The following KCNH1 variants were observed in gnomAD, a reference collection of about 807,000 sequenced individuals.
The protein encoded by KCNH1 is potassium voltage-gated channel subfamily H member 1.
KCNH1 carries 27 observed loss-of-function variants against 69.2 expected under a neutral mutation model. The ratio of observed to expected loss-of-function variants is 0.39; its 90% CI spans 0.29 to 0.54. The LOEUF (loss-of-function observed/expected upper bound fraction) is 0.54, where lower values mean the gene tolerates loss of function less well. KCNH1 is among the 20% of genes least tolerant of loss of function. The pLI is 0.68. For missense variants in KCNH1, 798 were observed against 1,261.6 expected, an observed-to-expected ratio of 0.63 and a Z score of 5.57; for synonymous variants, 456 against 487.7, an observed-to-expected ratio of 0.93 and a Z score of 0.86.
At chr1:210,890,237 C>T (rs1686716279) in intron 7 of KCNH1, among the ~76,000 whole-genome samples, 1 of 152,100 alleles carries the variant, frequency 6.6e-6, no homozygotes, top group South Asian at 2.1e-4. Flanking sequence ...AGAAATAACA[C>T]CACACATCTA....
At chr1:210,720,171 G>C (rs1682417737) in intron 10 of KCNH1, among the ~76,000 whole-genome samples, 1 of 152,136 alleles carries the variant, frequency 6.6e-6, no homozygotes, top group Non-Finnish European at 1.5e-5. Flanking sequence ...TTTGTGGAAG[G>C]TACAAACAGC....
intron 6 of KCNH1, among the ~76,000 whole-genome samples, chr1:210,997,541 G>A (rs192777658): frequency 8.5e-5 from 13 of 152,286 alleles, no homozygotes; most frequent in Middle Eastern, 6.8e-3. Context: ...TCTGATTGGT[G>A]TACCTGAAAG....
In KCNH1 at chr1:210,787,097, C is replaced by T. The variant is rs549636786; in HGVS notation, c.1915+10411G>A. ...CCTCAGTCCAAATTCCCTAACAAGT[C>T]TCAAGGCCTTGCTCACCTGTTCTAC... On this transcript the variant is annotated intron_variant, in intron 9 of 10. Transcript: ENST00000271751. 1.7e-4 allele frequency among the ~76,000 whole-genome samples: 26 copies of T among 152,256 alleles called. No individual in the cohort carries two copies. The South Asian group carries it at 5.4e-3, about 32-fold the overall frequency.
chr1:210,683,726 T>C lies in KCNH1; in HGVS notation c.2525A>G (p.Asp842Gly). ...CCAGTCCTCACTCTTCCCGCAAGCA[T>C]CTTTGAAGCGGGCCCAGCTTTTGCG... ...AKRKSWARFK[D>G]ACGKSEDWNK... is the part of the protein sequence containing the mutation. The change falls in exon 11 of 11, where the codon GAT becomes GGT. Residue 842 changes from aspartate (D) to glycine (G), a missense_variant. By Grantham distance (94) the Asp-to-Gly change is moderately conservative. Transcript: ENST00000271751. This position sits in a 1 kb window ranked among gnomAD's most constrained non-coding sequence, Gnocchi z 5.7. 1.2e-6 allele frequency: 2 copies of C among 1,614,186 alleles called. No individual in the cohort carries two copies. The highest frequency in any genetic ancestry group is 1.7e-6 in the Non-Finnish European group (2 of 1,180,040).
chr1:210,736,996 C>T (rs77240506), intron 10 of KCNH1, among the ~76,000 whole-genome samples: 3,147 of 152,278 alleles, frequency 0.021, 61 homozygotes, highest in Middle Eastern at 0.034. Context: ...TGATTCAGCT[C>T]TTGCTAAAGG....
At chr1:210,832,114 A>G (rs535028073) in intron 7 of KCNH1, among the ~76,000 whole-genome samples, 2 of 152,306 alleles carry the variant, frequency 1.3e-5, no homozygotes, top group Admixed American at 1.3e-4. Flanking sequence ...GCTTTTAAAT[A>G]GTTTCTCAAA....
chr1:210,908,510 C>T (rs1296525471), intron 7 of KCNH1, among the ~76,000 whole-genome samples: 2 of 152,272 alleles, frequency 1.3e-5, no homozygotes, highest in Admixed American at 6.5e-5. Flanking sequence ...CGCCTCTCTG[C>T]TTGCAAGACG....
At chr1:210,763,535 A>G (rs1464143977) in intron 10 of KCNH1, among the ~76,000 whole-genome samples, 4 of 152,104 alleles carry the variant, frequency 2.6e-5, no homozygotes, top group African/African-American at 4.8e-5. Flanking sequence ...CAAAATCAAC[A>G]TACAAAAATC....
chr1:210,683,604 C>T lies in KCNH1; in HGVS notation c.2647G>A (p.Gly883Ser). The change falls in exon 11 of 11, where the codon GGC (glycine) becomes AGC (serine). Residue 883 changes from glycine to serine, a missense_variant. Gly to Ser is a moderately conservative substitution (Grantham distance 56). This residue lies in a region of KCNH1 where 331 missense variants were observed against 363.2 expected (regional missense o/e 0.91). Transcript: ENST00000271751. The surrounding 1 kb of genome is among the most constrained non-coding windows in gnomAD (Gnocchi z 5.7). The stretch of plus-strand genomic sequence containing the variant: ...AGGCGCAAGTCGCTCTTGGTGATGC[C>T]ACTGTCACACGAGTCTGTCTTCTTC... ...TLKKTDSCDS[G>S]ITKSDLRLDN... The T allele has an allele frequency of 3.1e-6, 5 of 1,614,154 alleles. No homozygotes were observed. Among genetic ancestry groups the T allele is most frequent in the Non-Finnish European group, 4.2e-6 (5 of 1,180,032 alleles).
At chr1:210,800,991 G>T (rs1315085941) in intron 8 of KCNH1, among the ~76,000 whole-genome samples, 1 of 152,132 alleles carries the variant, frequency 6.6e-6, no homozygotes, top group Non-Finnish European at 1.5e-5. Flanking sequence ...TTCTTCTGAG[G>T]ATTCCATGAG....
chr1:210,748,174 C>T (rs933445796), intron 10 of KCNH1, among the ~76,000 whole-genome samples: 5 of 152,178 alleles, frequency 3.3e-5, no homozygotes, highest in Non-Finnish European at 7.3e-5. Context: ...AGCAGGTCCA[C>T]GTGCTCCTGT....
chr1:210,883,868 TA>T (rs1225611142), intron 7 of KCNH1, among the ~76,000 whole-genome samples: 22 of 152,336 alleles, frequency 1.4e-4, no homozygotes, highest in African/African-American at 5.1e-4. Context: ...ATTACACTGA[TA>T]AATGACTGAA....
intron 10 of KCNH1, among the ~76,000 whole-genome samples, chr1:210,723,980 G>T (rs1422217776): frequency 1.3e-5 from 2 of 152,158 alleles, no homozygotes; most frequent in Non-Finnish European, 1.5e-5. Flanking sequence ...ACTGTGGCCG[G>T]GGAAAGAGTA....
chr1:210,885,226 G>T (rs1478730565), intron 7 of KCNH1, among the ~76,000 whole-genome samples: 1 of 152,222 alleles, frequency 6.6e-6, no homozygotes, highest in Non-Finnish European at 1.5e-5. Flanking sequence ...ATCTCACTGT[G>T]ACTGGTTAGA....
At chr1:210,777,319 C>T (rs930980753) in intron 9 of KCNH1, among the ~76,000 whole-genome samples, 4 of 152,224 alleles carry the variant, frequency 2.6e-5, no homozygotes, top group African/African-American at 9.6e-5. Flanking sequence ...CTAGACATTA[C>T]TTCACAATTC....
At chr1:211,090,462 T>G (rs1283414385) in intron 4 of KCNH1, 100 bp downstream of exon 4, 1 of 1,036,778 alleles carries the variant, frequency 9.6e-7, no homozygotes, top group African/African-American at 1.6e-5. Flanking sequence ...TCTTGAGGTT[T>G]GTAAAGTGAT....
At chr1:210,804,661 T>A (rs548617724) in intron 7 of KCNH1, among the ~76,000 whole-genome samples, 1 of 152,180 alleles carries the variant, frequency 6.6e-6, no homozygotes, top group African/African-American at 2.4e-5. Context: ...AAGGACAGGA[T>A]GGTGAATAAA....
chr1:210,964,177 C>G (rs190291090), intron 6 of KCNH1, among the ~76,000 whole-genome samples: 2 of 152,256 alleles, frequency 1.3e-5, no homozygotes, highest in Admixed American at 6.5e-5. Flanking sequence ...AATTTTATAT[C>G]CAGACAAACT....
chr1:210,905,210 C>T (rs1687077089), intron 7 of KCNH1, among the ~76,000 whole-genome samples: 1 of 152,156 alleles, frequency 6.6e-6, no homozygotes. Context: ...TGATTTTAGG[C>T]AAATGACTTA....
Sources: gnomAD v4.1 joint callset for allele counts (sites outside exome capture counted in the v4.1 genomes callset) on GRCh38, gnomAD v4.1.1 for gene constraint, gnomAD v4.1.1 regional missense constraint, Gnocchi (gnomAD v3.1) non-coding constraint, MANE v1.5 for transcripts, NCBI Gene and HGNC (gene_info 2026-07-23, HGNC 2026-07-21) for gene names.